The following DLGAP1 variants were observed in gnomAD, a reference collection of about 807,000 sequenced individuals.
DLGAP1 encodes the protein disks large-associated protein 1.
A neutral mutation model predicts 90.8 loss-of-function variants in DLGAP1; 11 were observed. The observed-to-expected ratio is 0.12, with a 90% CI of 0.08 to 0.20. The LOEUF is 0.20. Among genes scored for constraint, DLGAP1 ranks in the 10% least tolerant of loss-of-function variants. DLGAP1 has a pLI of 1.00. For synonymous variants in DLGAP1, 558 were observed against 540.7 expected (o/e 1.03, Z -0.44); for missense variants, 1,050 against 1,333.8 (o/e 0.79, Z 3.31).
chr18:3,819,924 C>T (rs527290111), intron 4 of DLGAP1, among the ~76,000 whole-genome samples: 2 of 152,138 alleles, frequency 1.3e-5, no homozygotes, highest in Non-Finnish European at 2.9e-5. Flanking sequence ...TGGGTTACAA[C>T]CCTTTGAAAG....
intron 1 of DLGAP1, among the ~76,000 whole-genome samples, chr18:4,400,066 A>G (rs1262730141): frequency 6.6e-6 from 1 of 151,866 alleles, no homozygotes; most frequent in Non-Finnish European, 1.5e-5. Flanking sequence ...AGCTTCCTGC[A>G]CCACATGTTC....
chr18:4,374,359 A>T (rs772984399), intron 1 of DLGAP1, among the ~76,000 whole-genome samples: 9 of 152,180 alleles, frequency 5.9e-5, no homozygotes, highest in Non-Finnish European at 1.2e-4. Flanking sequence ...TTAAAAATGC[A>T]AAAACATTAA....
At chr18:4,100,170 A>G (rs80058573) in intron 2 of DLGAP1, among the ~76,000 whole-genome samples, 8,359 of 152,274 alleles carry the variant, frequency 0.055, 297 homozygotes, top group East Asian at 0.13. Flanking sequence ...TATGGCAGCT[A>G]TAGCCTTACA....
intron 1 of DLGAP1, among the ~76,000 whole-genome samples, chr18:4,309,405 A>G (rs1335849313): frequency 6.6e-6 from 1 of 152,184 alleles, no homozygotes; most frequent in Non-Finnish European, 1.5e-5. Context: ...AGAGAGTGCA[A>G]GAGAATTTGC....
chr18:4,091,067 G>A (rs1171040017), intron 2 of DLGAP1, among the ~76,000 whole-genome samples: 1 of 152,102 alleles, frequency 6.6e-6, no homozygotes, highest in East Asian at 1.9e-4. Context: ...ACAGGGAGGG[G>A]AACAACATAT....
intron 1 of DLGAP1, among the ~76,000 whole-genome samples, chr18:4,262,325 G>GGT (rs2079019383): frequency 6.6e-6 from 1 of 151,614 alleles, no homozygotes; most frequent in Non-Finnish European, 1.5e-5. Context: ...TCCCTGTGTA[G>GGT]GTGTGTGTGT....
chr18:3,506,787 G>A (rs2050252174), intron 11 of DLGAP1, among the ~76,000 whole-genome samples: 1 of 151,596 alleles, frequency 6.6e-6, no homozygotes, highest in Non-Finnish European at 1.5e-5. Context: ...TATATTTAAA[G>A]CACAGAGAAT....
At chr18:3,654,160 G>A (rs998990549) in intron 7 of DLGAP1, among the ~76,000 whole-genome samples, 4 of 152,150 alleles carry the variant, frequency 2.6e-5, no homozygotes, top group Non-Finnish European at 5.9e-5. Context: ...AACAGTCGCA[G>A]TGGGCCTGAC....
intron 2 of DLGAP1, among the ~76,000 whole-genome samples, chr18:4,090,238 T>C (rs2143740931): frequency 6.6e-6 from 1 of 151,998 alleles, no homozygotes; most frequent in East Asian, 1.9e-4. Context: ...AAAGCAAAAA[T>C]TGACAAATGG....
At chr18:3,645,274 G>A (rs2059079109) in intron 7 of DLGAP1, among the ~76,000 whole-genome samples, 2 of 152,004 alleles carry the variant, frequency 1.3e-5, no homozygotes, top group African/African-American at 4.8e-5. Context: ...TGTATTTCTT[G>A]TAGAGACAGG....
In DLGAP1 at chr18:3,571,672, C is replaced by T. The variant is rs140544130; in HGVS notation, c.1966-4091G>A. ...CCTCCTGAATAGCTGTGACTGCAGG[C>T]GCGTCCACCATGCCCGGCTAATTTT... On this transcript the variant is annotated intron_variant, in intron 8 of 12. Transcript: ENST00000315677. Among the ~76,000 whole-genome samples, 163 of 151,644 alleles carry T rather than the reference C, an allele frequency of 1.1e-3. 2 individuals are homozygous for T. Among genetic ancestry groups the T allele is most frequent in the African/African-American group, 3.7e-3 (152 of 41,430 alleles).
At chr18:4,161,335 CAT>C (rs1449229227) in intron 1 of DLGAP1, among the ~76,000 whole-genome samples, 2 of 152,090 alleles carry the variant, frequency 1.3e-5, no homozygotes, top group African/African-American at 4.8e-5. Context: ...TGAATGAAAA[CAT>C]GTGGTGTTTG....
At chr18:3,930,701 C>T (rs2072497273) in intron 3 of DLGAP1, among the ~76,000 whole-genome samples, 1 of 152,074 alleles carries the variant, frequency 6.6e-6, no homozygotes, top group Non-Finnish European at 1.5e-5. Context: ...ACCTTGAGGG[C>T]CGACATGCTG....
At chr18:3,914,444 C>T (rs1391732736) in intron 3 of DLGAP1, among the ~76,000 whole-genome samples, 1 of 152,170 alleles carries the variant, frequency 6.6e-6, no homozygotes, top group Non-Finnish European at 1.5e-5. Flanking sequence ...TTTTCTTTAT[C>T]CATTCATTGT....
At chr18:3,655,829 C>T (rs1599747565) in intron 7 of DLGAP1, 4 of 426,116 alleles carry the variant, frequency 9.4e-6, no homozygotes, top group African/African-American at 4.0e-5. Flanking sequence ...GCACCGGCTC[C>T]GAGGCAGTCA....
intron 3 of DLGAP1, among the ~76,000 whole-genome samples, chr18:3,883,377 A>G (rs2071230579): frequency 6.6e-6 from 1 of 152,192 alleles, no homozygotes; most frequent in Admixed American, 6.5e-5. Context: ...CGCTCATGAC[A>G]ATGTTGGCAA....
chr18:4,283,983 C>T (rs948528898), intron 1 of DLGAP1, among the ~76,000 whole-genome samples: 3 of 151,930 alleles, frequency 2.0e-5, no homozygotes, highest in African/African-American at 7.3e-5. Flanking sequence ...GATTCTTTCC[C>T]CAAAGGAAAC....
intron 3 of DLGAP1, among the ~76,000 whole-genome samples, chr18:3,925,543 G>T (rs1471144290): frequency 6.6e-6 from 1 of 152,098 alleles, no homozygotes; most frequent in East Asian, 1.9e-4. Context: ...TCAGGAAAAT[G>T]AAAATGTGTA....
chr18:3,602,891 C>G (rs2057138912), intron 7 of DLGAP1: 1 of 152,254 alleles, frequency 6.6e-6, no homozygotes, highest in East Asian at 1.9e-4. Context: ...ATATATCCTG[C>G]GTGTTGTGTG....
Sources: gnomAD v4.1 joint callset for allele counts (sites outside exome capture counted in the v4.1 genomes callset) on GRCh38, gnomAD v4.1.1 for gene constraint, MANE v1.5 for transcripts, NCBI Gene and HGNC (gene_info 2026-07-23, HGNC 2026-07-21) for gene names.